The following NEMF variants were observed in gnomAD, a reference collection of about 807,000 sequenced individuals.
NEMF encodes nuclear export mediator factor, also known as ribosome quality control complex subunit NEMF.
Under a neutral mutation model 162.2 loss-of-function variants are expected in NEMF, and 89 were observed. The observed-to-expected ratio is 0.55, with a 90% CI of 0.46 to 0.65. The LOEUF (loss-of-function observed/expected upper bound fraction) is 0.65. NEMF is among the 30% of genes least tolerant of loss of function. The pLI is 0.00. For synonymous variants in NEMF, 421 were observed against 404.5 expected, an observed-to-expected ratio of 1.04 and a Z score of -0.49; for missense variants, 1,133 against 1,261.9, an observed-to-expected ratio of 0.90 and a Z score of 1.55.
In NEMF at chr14:49,782,383, G is replaced by A. The variant is rs967079042; in HGVS notation, c.*2253C>T. On this transcript the variant is annotated 3_prime_UTR_variant, in exon 33 of 33. Transcript: ENST00000298310. Reference sequence around the variant, plus strand: ...TTTTAAATGCAGGTTATGGCACACAGCTTGTGCCAGCGATGAAGGAGAAGT... The same window carrying A: ...TTTTAAATGCAGGTTATGGCACACAACTTGTGCCAGCGATGAAGGAGAAGT... 1.2e-6 allele frequency: 2 copies of A among 1,611,742 alleles called. No homozygotes were observed. Among genetic ancestry groups the A allele is most frequent in the African/African-American group, 1.3e-5 (1 of 74,850 alleles).
At chr14:49,843,149 G>C (rs989461786) in intron 4 of NEMF, among the ~76,000 whole-genome samples, 1 of 152,032 alleles carries the variant, frequency 6.6e-6, no homozygotes, top group Admixed American at 6.6e-5. Flanking sequence ...TGTTGCTAAG[G>C]ATGTGGAGCT....
At position 49,799,040 on chromosome 14, in the gene NEMF, C is replaced by T. The variant is rs151185846; in HGVS notation, c.2465+435G>A. Among the ~76,000 whole-genome samples the T allele has an allele frequency of 5.0e-3, 764 of 151,386 alleles. 7 individuals are homozygous for T. Among genetic ancestry groups the T allele is most frequent in the African/African-American group, 0.018 (728 of 41,300 alleles). The stretch of plus-strand genomic sequence containing the variant: ...ACCAGCCTGGGCAACATGATGAAAC[C>T]CTGTCTCTACAAAAACTATAAAAAT... On this transcript the variant is annotated intron_variant, in intron 25 of 32. Coordinates refer to ENST00000298310, the MANE Select transcript of NEMF (RefSeq NM_004713.6).
intron 28 of NEMF, among the ~76,000 whole-genome samples, 163 bp downstream of exon 28, chr14:49,788,983 A>T (rs921130371): frequency 6.6e-6 from 1 of 152,178 alleles, no homozygotes; most frequent in Non-Finnish European, 1.5e-5. Context: ...CTTAGATAAG[A>T]TACTGCAATT....
intron 27 of NEMF, 22 bp downstream of exon 27, chr14:49,789,474 A>C (rs768810418): frequency 9.9e-6 from 16 of 1,610,954 alleles, no homozygotes; most frequent in Non-Finnish European, 1.4e-5. Flanking sequence ...CAAAAGAAAA[A>C]ATGTTTTTAG....
chr14:49,804,687 A>G (rs1951666783), intron 19 of NEMF, among the ~76,000 whole-genome samples: 1 of 151,412 alleles, frequency 6.6e-6, no homozygotes, highest in Non-Finnish European at 1.5e-5. Context: ...AAATTTATAC[A>G]TCTGTGAAAC....
At chr14:49,788,038 G>A (rs1890259190) in intron 28 of NEMF, among the ~76,000 whole-genome samples, 1 of 152,094 alleles carries the variant, frequency 6.6e-6, no homozygotes. Context: ...CAACACTTTG[G>A]GAGGCCAAGG....
Position 49,789,481 on chromosome 14 carries a change from T to C in NEMF, c.2697+15A>G, listed in dbSNP as rs1300446200. ...TTGAAAAGCAAAAGAAAAAATGTTT[T>C]TAGATGTTATTTACCCCCAGCAACT... On this transcript the variant is annotated intron_variant, in intron 27 of 32. Transcript: ENST00000298310. The C allele has an allele frequency of 6.2e-7, 1 of 1,611,550 alleles. No individual in the cohort carries two copies. Among genetic ancestry groups the C allele is most frequent in the African/African-American group, 1.3e-5 (1 of 74,856 alleles).
intron 32 of NEMF, 32 bp downstream of exon 32, chr14:49,784,893 C>T (rs760454414): frequency 5.1e-6 from 8 of 1,564,904 alleles, no homozygotes; most frequent in South Asian, 2.2e-5. Flanking sequence ...TACTGTCAGT[C>T]TCCACATTCC....
intron 3 of NEMF, among the ~76,000 whole-genome samples, chr14:49,851,135 C>T (rs1893753239): frequency 6.6e-6 from 1 of 152,146 alleles, no homozygotes; most frequent in Admixed American, 6.6e-5. Flanking sequence ...ACCTGGGAGG[C>T]AGAGGTTGCA....
rs1892528363 is a variant in NEMF at position 49,829,414 on chromosome 14, A to C, written c.958T>G (p.Leu320Val). The C allele has an allele frequency of 6.2e-7, 1 of 1,613,574 alleles. No homozygotes were observed. The highest frequency in any genetic ancestry group is 1.3e-5 in the African/African-American group (1 of 74,940). Residue 320 changes from leucine to valine, a missense_variant, in exon 12 of 33, where the codon TTG becomes GTG. Coordinates refer to ENST00000298310, the MANE Select transcript of NEMF (RefSeq NM_004713.6). ...LKALQQEKQA[L>V]KKLDNVRKDH... ...TTTCGAACATTATCTAATTTCTTCA[A>C]TGCTTGCTTTTCCTTTTATTGGCAA...
intron 26 of NEMF, among the ~76,000 whole-genome samples, chr14:49,794,214 T>C (rs1890583258): frequency 6.6e-6 from 1 of 151,650 alleles, no homozygotes; most frequent in South Asian, 2.1e-4. Context: ...AATCCCTCCT[T>C]ATTTCCTTAG....
At chr14:49,838,524 C>T (rs56340146) in intron 5 of NEMF, among the ~76,000 whole-genome samples, 24,242 of 151,264 alleles carry the variant, frequency 0.16, 2,283 homozygotes, top group Non-Finnish European at 0.21. Flanking sequence ...ATTTTCATGC[C>T]ATATCTTAAT....
chr14:49,786,529 G>A, intron 29 of NEMF, 189 bp downstream of exon 29: 1 of 584,300 alleles, frequency 1.7e-6, no homozygotes, highest in South Asian at 2.3e-5. Flanking sequence ...AGGAAACTGA[G>A]GCACAAAGAA....
chr14:49,815,394 A>T (rs1891667479), intron 16 of NEMF, among the ~76,000 whole-genome samples: 1 of 152,226 alleles, frequency 6.6e-6, no homozygotes, highest in Admixed American at 6.5e-5. Flanking sequence ...AATACCTGCA[A>T]GATAAAAAGT....
chr14:49,806,002 G>A lies in NEMF; in HGVS notation c.1857+19C>T. ...GTAGCTCTTAGTAAATTAAGAAAAA[G>A]GACAAGAGCCCTTATTACCTGATGA... is the stretch of plus-strand genomic sequence containing the variant. On this transcript the variant is annotated intron_variant, in intron 19 of 32. Coordinates refer to ENST00000298310, the MANE Select transcript of NEMF (RefSeq NM_004713.6). The A allele has an allele frequency of 6.5e-7, 1 of 1,550,306 alleles. No individual in the cohort carries two copies. The highest frequency in any genetic ancestry group is 8.9e-7 in the Non-Finnish European group (1 of 1,128,828).
At chr14:49,810,885 G>A (rs1246333420) in intron 18 of NEMF, among the ~76,000 whole-genome samples, 1 of 152,152 alleles carries the variant, frequency 6.6e-6, no homozygotes, top group East Asian at 1.9e-4. Flanking sequence ...CAACTACTCA[G>A]GAGGTTGAGA....
At chr14:49,839,066 A>AT (rs2140002330) in intron 5 of NEMF, among the ~76,000 whole-genome samples, 1 of 48,132 alleles carries the variant, frequency 2.1e-5, no homozygotes, top group Non-Finnish European at 6.0e-5. Flanking sequence ...GAAGCATGTT[A>AT]ATTTTTTTTT....
In NEMF at chr14:49,782,676, G is replaced by C; in HGVS notation, c.*1960C>G. Reference sequence around the variant, plus strand: ...AGCACTCTCGAAAAACTAGGTTTATGGATTATTTAAGGGCAATAAAACTTC... The same window carrying C: ...AGCACTCTCGAAAAACTAGGTTTATCGATTATTTAAGGGCAATAAAACTTC... On this transcript the variant is annotated 3_prime_UTR_variant, in exon 33 of 33. Coordinates refer to ENST00000298310, the MANE Select transcript of NEMF (RefSeq NM_004713.6). 1 of 1,375,376 alleles carries C rather than the reference G, an allele frequency of 7.3e-7. No individual in the cohort carries two copies. The allele number at this position is 1,375,376 out of a possible 1,614,324, so 85.2% of individuals were successfully genotyped here.
chr14:49,784,414 A>ATTTAACTGTCCACAAATACTT lies in NEMF; in HGVS notation c.*201_*221dup. ...TAACTACAGATGTATATTAATTAGCATTTAACTGTCCACAAATACTTTTGG... is the reference window on the plus strand; with the variant it reads ...TAACTACAGATGTATATTAATTAGCATTTAACTGTCCACAAATACTTTTTAACTGTCCACAAATACTTTTGG... On this transcript the variant is annotated 3_prime_UTR_variant, in exon 33 of 33. Coordinates refer to ENST00000298310, the MANE Select transcript of NEMF (RefSeq NM_004713.6). 1 of 448,774 alleles carries ATTTAACTGTCCACAAATACTT rather than the reference A, an allele frequency of 2.2e-6. No homozygotes were observed. The highest frequency in any genetic ancestry group is 3.5e-5 in the East Asian group (1 of 28,340). The allele number at this position is 448,774 out of a possible 1,614,324, so 27.8% of individuals were successfully genotyped here.
Sources: gnomAD v4.1 joint callset for allele counts (sites outside exome capture counted in the v4.1 genomes callset) on GRCh38, gnomAD v4.1.1 for gene constraint, MANE v1.5 for transcripts, NCBI Gene and HGNC (gene_info 2026-07-23, HGNC 2026-07-21) for gene names.